Variants in RPS27A observed in about 807,000 individuals in gnomAD.
RPS27A encodes ubiquitin-ribosomal protein eS31 fusion protein.
Under a neutral mutation model 18.9 loss-of-function variants are expected in RPS27A, and 1 was observed. The observed-to-expected ratio is 0.05, with a 90% CI of 0.02 to 0.25. RPS27A has a LOEUF of 0.25. Ranked by LOEUF, RPS27A falls within the 10% of genes least tolerant of loss-of-function variation. RPS27A has a pLI of 1.00. For synonymous variants in RPS27A, 77 were observed against 63.7 expected (o/e 1.21, Z -0.99); for missense variants, 123 against 187.4 (o/e 0.66, Z 2.01).
At chr2:55,233,322 C>T (rs1376805023) in intron 2 of RPS27A, 41 bp from the exon 3 acceptor site, 3 of 1,526,160 alleles carry the variant, frequency 2.0e-6, no homozygotes, top group African/African-American at 2.7e-5. Flanking sequence ...GCTGTAGTTC[C>T]TTAATGTGTA....
Position 55,233,207 on chromosome 2 carries a change from G to A in RPS27A, c.49-156G>A. The stretch of plus-strand genomic sequence containing the variant: ...GGGGAGATGAAGGTGCTTTCCGGTA[G>A]CCGACTTGGGAGGTTGCCCACTGGG... On this transcript the variant is annotated intron_variant, in intron 2 of 5. Coordinates refer to ENST00000272317, the MANE Select transcript of RPS27A (RefSeq NM_002954.6). The A allele has an allele frequency of 5.4e-6, 4 of 735,946 alleles. No homozygotes were observed. In the South Asian group the frequency reaches 6.0e-5, roughly 11 times the overall value. The allele number at this position is 735,946 out of a possible 1,614,324, so 45.6% of individuals were successfully genotyped here.
chr2:55,233,178 G>A, intron 2 of RPS27A, 185 bp from the exon 3 acceptor site: 3 of 689,932 alleles, frequency 4.3e-6, no homozygotes, highest in South Asian at 1.6e-5. Flanking sequence ...GCCCGCTCTG[G>A]GCTGGGGAGA....
chr2:55,233,811 G>A lies in RPS27A; in HGVS notation c.104-308G>A, dbSNP rs1250743409. 10 of 489,938 alleles carry A rather than the reference G, an allele frequency of 2.0e-5. No homozygotes were observed. In the East Asian group the frequency reaches 3.9e-4, roughly 19 times the overall value. The allele number at this position is 489,938 out of a possible 1,614,324, so 30.3% of individuals were successfully genotyped here. A position where few individuals can be genotyped will look rare whatever the true frequency, so the allele number is the denominator to read the frequency against. On this transcript the variant is annotated intron_variant, in intron 3 of 5. Coordinates refer to ENST00000272317, the MANE Select transcript of RPS27A (RefSeq NM_002954.6). ...GCCTGGCTAATTTATTGTATTTTTA[G>A]TAGAGACTGGGTTTTACCTTGTTGG...
rs759891368 is a variant in RPS27A, at chr2:55,232,891, TGAG to T, written c.48+22_48+24del. The T allele has an allele frequency of 1.2e-6, 2 of 1,607,856 alleles. No individual in the cohort carries two copies. The highest frequency in any genetic ancestry group is 1.7e-6 in the Non-Finnish European group (2 of 1,175,802). On this transcript the variant is annotated intron_variant, in intron 2 of 5. Transcript: ENST00000272317. ...CCTCGAGGTACGGGCCGGGTGGTCA[TGAG>T]GAAGCCAAGGTCCGAATAAGGTCCT...
In RPS27A at chr2:55,233,470, CCTGT is replaced by C. The variant is rs58567381; in HGVS notation, c.103+54_103+57del. 7.7e-3 allele frequency: 9,666 copies of C among 1,251,506 alleles called. 461 individuals carry two copies. The African/African-American group carries it at 0.12, about 15-fold the overall frequency. 77.5% of individuals were successfully genotyped at this position (1,251,506 alleles called of 1,614,324 possible). ...CTTAACCTGCGGAGACTTCGGCCTA[CCTGT>C]AGGTGCTAGACATACCTGCTCTTGG... On this transcript the variant is annotated intron_variant, in intron 3 of 5. Coordinates refer to ENST00000272317, the MANE Select transcript of RPS27A (RefSeq NM_002954.6).
intron 2 of RPS27A, 25 bp downstream of exon 2, chr2:55,232,897 A>AGCCAAGGTCCGAATAAGGTC: frequency 8.1e-6 from 13 of 1,597,726 alleles, no homozygotes; most frequent in Non-Finnish European, 1.1e-5. Flanking sequence ...GTCATGAGGA[A>AGCCAAGGTCCGAATAAGGTC]GCCAAGGTCC....
Position 55,233,085 on chromosome 2 carries a change from T to C in RPS27A, c.48+213T>C, listed in dbSNP as rs895890867. ...CTGTCTCCTCTCGAGGGGTTCCAGC[T>C]AGTTAGTTAAAACGGAGGAGCTGCG... On this transcript the variant is annotated intron_variant, in intron 2 of 5. Coordinates refer to ENST00000272317, the MANE Select transcript of RPS27A (RefSeq NM_002954.6). 3 of 651,358 alleles carry C rather than the reference T, an allele frequency of 4.6e-6. No individual in the cohort carries two copies. The South Asian group carries it at 5.4e-5, about 12-fold the overall frequency. The allele number at this position is 651,358 out of a possible 1,614,324, so 40.3% of individuals were successfully genotyped here.
chr2:55,235,151 G>C (rs943386682), intron 5 of RPS27A, 189 bp downstream of exon 5: 1 of 749,972 alleles, frequency 1.3e-6, no homozygotes, highest in African/African-American at 1.8e-5. Flanking sequence ...TTTGAAATCA[G>C]TTATGTAATA....
At chr2:55,233,316 T>G in intron 2 of RPS27A, 47 bp from the exon 3 acceptor site, 1 of 1,452,964 alleles carries the variant, frequency 6.9e-7, no homozygotes, top group Non-Finnish European at 9.7e-7. Flanking sequence ...AGTTCTGCTG[T>G]AGTTCCTTAA....
Position 55,232,717 on chromosome 2 carries a change from C to T in RPS27A, c.-18+9C>T, listed in dbSNP as rs768527737. The T allele has an allele frequency of 3.1e-6, 3 of 981,054 alleles. No individual in the cohort carries two copies. The highest frequency in any genetic ancestry group is 1.4e-5 in the South Asian group (1 of 72,862). 60.8% of individuals were successfully genotyped at this position (981,054 alleles called of 1,614,324 possible). On this transcript the variant is annotated intron_variant, in intron 1 of 5. Coordinates refer to ENST00000272317, the MANE Select transcript of RPS27A (RefSeq NM_002954.6). Reference sequence around the variant, plus strand: ...TCGATCCGCCATCTGCGGTGGGTGTCTGCACTTCGGCTGCTCTCGGGTTAG... The same window carrying T: ...TCGATCCGCCATCTGCGGTGGGTGTTTGCACTTCGGCTGCTCTCGGGTTAG...
At position 55,235,515 on chromosome 2, in the gene RPS27A, G is replaced by A. The variant is rs768733955; in HGVS notation, c.409G>A (p.Asp137Asn). The change falls in exon 6 of 6, where the codon GAC becomes AAC. Residue 137 changes from aspartate (D) to asparagine (N), a missense_variant. Physicochemically the swap from Asp to Asn is conservative, Grantham distance 23. This residue lies in a region of RPS27A where 57 missense variants were observed against 114.8 expected (regional missense o/e 0.50). Transcript: ENST00000272317. ...TGGGGTGTTTATGGCAAGTCACTTT[G>A]ACAGACATTATTGTGGCAAATGTTG... ...GAGVFMASHF[D>N]RHYCGKCCLT... 6.2e-7 allele frequency: 1 copy of A among 1,610,256 alleles called. No homozygotes were observed. Among genetic ancestry groups the A allele is most frequent in the South Asian group, 1.1e-5 (1 of 90,998 alleles).
chr2:55,233,658 T>C lies in RPS27A; in HGVS notation c.103+241T>C, dbSNP rs995884898. On this transcript the variant is annotated intron_variant, in intron 3 of 5. Transcript: ENST00000272317. ...TTTATTTATTTTGTGTGAGATGGAG[T>C]CTCCTCTGTCGCCCAGGCTGGAGTG... 6 of 537,110 alleles carry C rather than the reference T, an allele frequency of 1.1e-5. No homozygotes were observed. The African/African-American group carries it at 1.1e-4, about 10-fold the overall frequency. The allele number at this position is 537,110 out of a possible 1,614,324, so 33.3% of individuals were successfully genotyped here. A position where few individuals can be genotyped will look rare whatever the true frequency, so the allele number is the denominator to read the frequency against.
chr2:55,232,970 C>T lies in RPS27A; in HGVS notation c.48+98C>T, dbSNP rs188817563. On this transcript the variant is annotated intron_variant, in intron 2 of 5. Coordinates refer to ENST00000272317, the MANE Select transcript of RPS27A (RefSeq NM_002954.6). ...CTTTCCATGTCTTAGACCATGATTC[C>T]GAATTTGGGTTCTAAAACTTAAGCT... 8.4e-5 allele frequency: 85 copies of T among 1,010,706 alleles called. No homozygotes were observed. In the African/African-American group the frequency reaches 9.3e-4, roughly 11 times the overall value. 62.6% of individuals were successfully genotyped at this position (1,010,706 alleles called of 1,614,324 possible). A position where few individuals can be genotyped will look rare whatever the true frequency, so the allele number is the denominator to read the frequency against.
chr2:55,234,125 C>T lies in RPS27A; in HGVS notation c.110C>T (p.Pro37Leu). The T allele has an allele frequency of 2.5e-6, 4 of 1,612,842 alleles. No homozygotes were observed. The highest frequency in any genetic ancestry group is 3.4e-6 in the Non-Finnish European group (4 of 1,178,940). Residue 37 changes from proline (P) to leucine (L), a missense_variant, in exon 4 of 6, where the codon CCT (proline) becomes CTT (leucine). By Grantham distance (98) the Pro-to-Leu change is moderately conservative. Coordinates refer to ENST00000272317, the MANE Select transcript of RPS27A (RefSeq NM_002954.6). The stretch of plus-strand genomic sequence containing the variant: ...TTTTGTTTTTTGTCATTAGGAATTC[C>T]TCCTGATCAGCAGAGACTGATCTTT... ...KAKIQDKEGI[P>L]PDQQRLIFAG...
In RPS27A at chr2:55,234,905, C is replaced by T. The variant is rs11557877; in HGVS notation, c.264C>T (p.Pro88=). 1 of 1,613,302 alleles carries T rather than the reference C, an allele frequency of 6.2e-7. No individual in the cohort carries two copies. The highest frequency in any genetic ancestry group is 8.5e-7 in the Non-Finnish European group (1 of 1,179,882). ...GGAAGAAGAAGTCTTACACCACTCC[C>T]AAGAAGAATAAGCACAAGAGAAAGA... ...KKRKKKSYTT[P]KKNKHKRKKV... The change falls in exon 5 of 6, where the codon CCC becomes CCT. Residue 88 remains proline (P), a synonymous_variant. Transcript: ENST00000272317.
In RPS27A at chr2:55,235,845, T is replaced by A. The variant is rs549789033; in HGVS notation, c.*268T>A. On this transcript the variant is annotated 3_prime_UTR_variant, in exon 6 of 6. Transcript: ENST00000272317. Reference sequence around the variant, plus strand: ...GAAGTTATATTTAATGTAAGTTGTCTAAATATAAGCCAGTTTGTGTTTCTG... The same window carrying A: ...GAAGTTATATTTAATGTAAGTTGTCAAAATATAAGCCAGTTTGTGTTTCTG... 59 of 487,156 alleles carry A rather than the reference T, an allele frequency of 1.2e-4. 1 individual carries two copies. The highest frequency in any genetic ancestry group is 8.4e-4 in the African/African-American group (43 of 51,274). The allele number at this position is 487,156 out of a possible 1,614,324, so 30.2% of individuals were successfully genotyped here.
At chr2:55,235,308 G>GT (rs1675733288) in intron 5 of RPS27A, 120 bp from the exon 6 acceptor site, 1 of 1,136,246 alleles carries the variant, frequency 8.8e-7, no homozygotes, top group East Asian at 2.3e-5. Context: ...GGGTGCTTTG[G>GT]TTTGTAAGCA....
In RPS27A at chr2:55,233,389, T is replaced by C. The variant is rs376004033; in HGVS notation, c.75T>C (p.Asn25=). 1.2e-5 allele frequency: 19 copies of C among 1,613,328 alleles called. No homozygotes were observed. The highest frequency in any genetic ancestry group is 2.2e-5 in the East Asian group (1 of 44,884). Residue 25 remains asparagine (N), a synonymous_variant, in exon 3 of 6, where the codon AAT becomes AAC. Transcript: ENST00000272317. ...TTGAACCCTCGGATACGATAGAAAATGTAAAGGCCAAGATCCAGGATAAGG... is the reference window on the plus strand; with the variant it reads ...TTGAACCCTCGGATACGATAGAAAACGTAAAGGCCAAGATCCAGGATAAGG... ...LEVEPSDTIE[N]VKAKIQDKEG... is the part of the protein sequence containing the mutation.
At chr2:55,232,687 C>T (rs1343900311), upstream of RPS27A, 2 of 811,672 alleles carry the variant, frequency 2.5e-6, no homozygotes, top group South Asian at 1.5e-5. Flanking sequence ...CGGCGTTCTT[C>T]CTTTTCGATC....
Sources: allele counts gnomAD v4.1 joint callset, GRCh38; gene constraint gnomAD v4.1.1; regional missense constraint gnomAD v4.1.1; transcripts MANE v1.5; gene names NCBI Gene and HGNC (gene_info 2026-07-23, HGNC 2026-07-21).